The following ARHGEF11 variants were observed in gnomAD, a reference collection of about 807,000 sequenced individuals.
The protein encoded by ARHGEF11 is Rho guanine nucleotide exchange factor 11, also known as Rho guanine exchange factor (GEF) 11.
A neutral mutation model predicts 193.7 loss-of-function variants in ARHGEF11; 55 were observed. The observed-to-expected ratio is 0.28, with a 90% confidence interval of 0.23 to 0.36. The LOEUF (loss-of-function observed/expected upper bound fraction) is 0.36, where lower values mean the gene tolerates loss of function less well. ARHGEF11 is among the 10% of genes least tolerant of loss of function. The probability of loss-of-function intolerance (pLI) is 1.00; values close to 1 mark genes in which losing one functional copy is unlikely to be tolerated. For synonymous variants in ARHGEF11, 693 were observed against 768.0 expected (o/e 0.90, Z 1.62); for missense variants, 1,723 against 2,005.6 (o/e 0.86, Z 2.69).
chr1:156,991,707 C>CTTTTTTTT (rs1208007433), intron 1 of ARHGEF11, among the ~76,000 whole-genome samples: 6 of 107,528 alleles, frequency 5.6e-5, no homozygotes, highest in African/African-American at 7.4e-5. Flanking sequence ...TTTTTTCAAG[C>CTTTTTTTT]TTATTTTTTT....
intron 1 of ARHGEF11, among the ~76,000 whole-genome samples, chr1:157,006,666 C>G (rs995287764): frequency 6.6e-6 from 1 of 152,202 alleles, no homozygotes; most frequent in Non-Finnish European, 1.5e-5. Context: ...TCAGGCAGAT[C>G]TGGCTTTCCA....
At chr1:156,995,711 T>A (rs989550872) in intron 1 of ARHGEF11, among the ~76,000 whole-genome samples, 1 of 150,986 alleles carries the variant, frequency 6.6e-6, no homozygotes, top group Non-Finnish European at 1.5e-5. Context: ...CTTGTTTTTT[T>A]TTTTTTTTTT....
chr1:156,992,853 G>C (rs1175183835), intron 1 of ARHGEF11, among the ~76,000 whole-genome samples: 1 of 151,990 alleles, frequency 6.6e-6, no homozygotes, highest in East Asian at 1.9e-4. Context: ...CAAAGTATAC[G>C]AGTTCGAACT....
At chr1:156,945,782 C>G (rs1178385770) in intron 29 of ARHGEF11, 16 of 395,744 alleles carry the variant, frequency 4.0e-5, no homozygotes, top group Non-Finnish European at 5.6e-5. Context: ...TGTTGGGCAC[C>G]GGATGCTTTC....
chr1:156,963,143 A>C, intron 13 of ARHGEF11, 60 bp downstream of exon 13: 3 of 1,313,588 alleles, frequency 2.3e-6, no homozygotes, highest in Non-Finnish European at 3.3e-6. Flanking sequence ...AACAGAGGCT[A>C]GAGGTCCTCT....
intron 1 of ARHGEF11, among the ~76,000 whole-genome samples, chr1:156,994,966 A>G (rs984235306): frequency 1.6e-4 from 24 of 152,242 alleles, no homozygotes; most frequent in African/African-American, 5.8e-4. Context: ...CCTCCTCAGT[A>G]AAACACTGCC....
chr1:156,934,871 A>G lies in ARHGEF11; in HGVS notation c.*1129T>C, dbSNP rs180839422. On this transcript the variant is annotated 3_prime_UTR_variant, in exon 41 of 41. Coordinates refer to ENST00000368194, the MANE Select transcript of ARHGEF11 (RefSeq NM_198236.3). ...ATATTTAACTTTTCTTAAAAAAAAA[A>G]TCTTAACCATGAAAGGAAGAAAATA... 2 of 151,270 alleles carry G rather than the reference A, an allele frequency of 1.3e-5. No individual in the cohort carries two copies. Among genetic ancestry groups the G allele is most frequent in the African/African-American group, 4.8e-5 (2 of 41,350 alleles). 9.4% of individuals were successfully genotyped at this position (151,270 alleles called of 1,614,324 possible).
chr1:156,995,382 TTC>T (rs1666334738), intron 1 of ARHGEF11, among the ~76,000 whole-genome samples: 1 of 152,118 alleles, frequency 6.6e-6, no homozygotes, highest in Non-Finnish European at 1.5e-5. Context: ...CTCAGGGGCT[TTC>T]TCTCCCCACC....
Position 156,956,408 on chromosome 1 carries a change from C to A in ARHGEF11, c.1671+12G>T, listed in dbSNP as rs376424431. On this transcript the variant is annotated intron_variant, in intron 19 of 40. Transcript: ENST00000368194. ...AGGATTACAGGCATGAGCCACCATG[C>A]CCGGCCCTCACCTTCTTGGTCTTAG... The A allele has an allele frequency of 2.5e-6, 4 of 1,613,870 alleles. No individual in the cohort carries two copies. Among genetic ancestry groups the A allele is most frequent in the Non-Finnish European group, 3.4e-6 (4 of 1,179,870 alleles).
At chr1:156,940,473 C>A (rs201329653) in intron 35 of ARHGEF11, 48 bp from the exon 36 acceptor site, 4 of 1,534,638 alleles carry the variant, frequency 2.6e-6, no homozygotes, top group Admixed American at 3.6e-5. Context: ...GGAGAGGGCA[C>A]GTATGGGAGA....
At chr1:157,028,849 T>C (rs1246106305) in intron 1 of ARHGEF11, among the ~76,000 whole-genome samples, 1 of 151,816 alleles carries the variant, frequency 6.6e-6, no homozygotes. Flanking sequence ...CTAGCTATAA[T>C]CAAAAAGAAA....
rs146787015 is a variant in ARHGEF11 at position 156,939,429 on chromosome 1, G to A, written c.4096+119C>T. ...TTGTCTCCTTCTTCCAGGACCCAGC[G>A]TAGGTCTCTGCTCACACGGTACCCA... On this transcript the variant is annotated intron_variant, in intron 37 of 40. Transcript: ENST00000368194. The A allele has an allele frequency of 1.8e-4, 250 of 1,416,518 alleles. No homozygotes were observed. In the East Asian group the frequency reaches 4.9e-3, roughly 28 times the overall value. The allele number at this position is 1,416,518 out of a possible 1,614,324, so 87.7% of individuals were successfully genotyped here.
chr1:156,969,621 A>ACT (rs932928261), intron 9 of ARHGEF11, among the ~76,000 whole-genome samples: 1 of 151,410 alleles, frequency 6.6e-6, no homozygotes, highest in Non-Finnish European at 1.5e-5. Context: ...AGACTCCATA[A>ACT]CTCTCTCTCA....
intron 1 of ARHGEF11, among the ~76,000 whole-genome samples, chr1:157,018,780 T>C (rs149711632): frequency 6.6e-6 from 1 of 152,332 alleles, no homozygotes; most frequent in East Asian, 1.9e-4. Flanking sequence ...AATCAGTGTG[T>C]TTTTGATATA....
intron 15 of ARHGEF11, 85 bp downstream of exon 15, chr1:156,960,333 G>T: frequency 7.4e-7 from 1 of 1,356,770 alleles, no homozygotes; most frequent in Non-Finnish European, 1.1e-6. Flanking sequence ...CAGGGACTAT[G>T]TCCCTTCTGT....
chr1:156,984,232 G>A, intron 3 of ARHGEF11, 107 bp downstream of exon 3: 1 of 895,506 alleles, frequency 1.1e-6, no homozygotes, highest in East Asian at 2.8e-5. Context: ...CAGTTCTAGA[G>A]TAATTCATTC....
intron 1 of ARHGEF11, among the ~76,000 whole-genome samples, chr1:157,038,084 A>G (rs986624838): frequency 5.3e-5 from 8 of 150,076 alleles, no homozygotes; most frequent in Non-Finnish European, 1.0e-4. Flanking sequence ...CTCCTGTACT[A>G]TCTCTCAGAA....
Position 156,941,405 on chromosome 1 carries a change from G to A in ARHGEF11, c.3481C>T (p.His1161Tyr), listed in dbSNP as rs1175291387. Reference protein sequence around the residue: ...RVELDDSDVFHGEPEPEELPG... With the variant: ...RVELDDSDVFYGEPEPEELPG... ...AGCTCCTCAGGTTCAGGTTCACCAT[G>A]GAACACGTCTGAGTCATCCAGTTCT... is the stretch of plus-strand genomic sequence containing the variant. Residue 1161 changes from histidine (H) to tyrosine (Y), a missense_variant, in exon 35 of 41, where the codon CAT becomes TAT. Physicochemically the swap from His to Tyr is moderately conservative, Grantham distance 83. Coordinates refer to ENST00000368194, the MANE Select transcript of ARHGEF11 (RefSeq NM_198236.3). The A allele has an allele frequency of 1.9e-6, 3 of 1,613,922 alleles. No homozygotes were observed. Among genetic ancestry groups the A allele is most frequent in the Admixed American group, 3.3e-5 (2 of 60,018 alleles).
intron 1 of ARHGEF11, among the ~76,000 whole-genome samples, chr1:156,991,710 A>ATTTTTTTTTTTTTT (rs57140356): frequency 1.2e-4 from 10 of 83,960 alleles, no homozygotes; most frequent in Non-Finnish European, 1.4e-4. Flanking sequence ...TTTCAAGCTT[A>ATTTTTTTTTTTTTT]TTTTTTTTTT....
Sources: allele counts gnomAD v4.1 joint callset (sites outside exome capture counted in the v4.1 genomes callset), GRCh38; gene constraint gnomAD v4.1.1; transcripts MANE v1.5; gene names NCBI Gene and HGNC (gene_info 2026-07-23, HGNC 2026-07-21).